CNTN1: variants seen among roughly 807,000 people sequenced by gnomAD.
CNTN1 encodes contactin-1.
Under a neutral mutation model 126.4 loss-of-function variants are expected in CNTN1, and 38 were observed. The ratio of observed to expected loss-of-function variants is 0.30; its 90% CI spans 0.23 to 0.39. CNTN1 has a LOEUF of 0.39. Ranked by LOEUF, CNTN1 falls within the 10% of genes least tolerant of loss-of-function variation. CNTN1 has a pLI of 1.00. For synonymous variants in CNTN1, 413 were observed against 422.6 expected (o/e 0.98, Z 0.28); for missense variants, 1,009 against 1,248.4 (o/e 0.81, Z 2.89).
chr12:40,781,147 G>A (rs576639367), intron 1 of CNTN1, among the ~76,000 whole-genome samples: 1 of 151,990 alleles, frequency 6.6e-6, no homozygotes, highest in East Asian at 1.9e-4. Flanking sequence ...GTGCATCTTG[G>A]GACATAAGCT....
chr12:40,727,896 T>C (rs939376960), intron 1 of CNTN1, among the ~76,000 whole-genome samples: 2 of 152,222 alleles, frequency 1.3e-5, no homozygotes, highest in South Asian at 4.1e-4. Flanking sequence ...GACTGAAGTC[T>C]AGTCTCAGTC....
chr12:40,849,613 C>G (rs1370630443), intron 1 of CNTN1, among the ~76,000 whole-genome samples: 1 of 152,022 alleles, frequency 6.6e-6, no homozygotes, highest in Admixed American at 6.6e-5. Flanking sequence ...TATTCTCAAA[C>G]TATCTGAAGA....
intron 1 of CNTN1, among the ~76,000 whole-genome samples, chr12:40,768,449 T>C (rs748252160): frequency 6.6e-5 from 10 of 152,240 alleles, no homozygotes; most frequent in Non-Finnish European, 1.3e-4. Flanking sequence ...ATATCCTTTA[T>C]AGAAAATGGC....
At chr12:40,859,118 T>G (rs1344010512) in intron 1 of CNTN1, among the ~76,000 whole-genome samples, 1 of 152,000 alleles carries the variant, frequency 6.6e-6, no homozygotes, top group Non-Finnish European at 1.5e-5. Flanking sequence ...GTCCTACACA[T>G]GTACCCCAGA....
chr12:40,911,758 T>G (rs1945045841), intron 3 of CNTN1, among the ~76,000 whole-genome samples: 1 of 152,196 alleles, frequency 6.6e-6, no homozygotes, highest in Admixed American at 6.5e-5. Context: ...TCTATCTACC[T>G]TTAAAAACAA....
intron 1 of CNTN1, among the ~76,000 whole-genome samples, chr12:40,864,403 T>C (rs760469187): frequency 5.9e-5 from 9 of 152,142 alleles, no homozygotes; most frequent in Non-Finnish European, 1.3e-4. Context: ...TACAATTCAC[T>C]GATTTATAGT....
rs943892966 is a variant in CNTN1, at chr12:40,930,990, C to T, written c.703+988C>T. ...CTTCCCCAGAAATATACTTGCAATT[C>T]AGCACTTCTATTTATTTTCTTACTT... On this transcript the variant is annotated intron_variant, in intron 7 of 23. Transcript: ENST00000551295. Among the ~76,000 whole-genome samples the T allele has an allele frequency of 3.3e-5, 5 of 151,840 alleles. No individual in the cohort carries two copies. The South Asian group carries it at 1.0e-3, about 32-fold the overall frequency.
chr12:40,865,536 G>T (rs931196481), intron 1 of CNTN1, among the ~76,000 whole-genome samples: 1 of 151,838 alleles, frequency 6.6e-6, no homozygotes, highest in African/African-American at 2.4e-5. Context: ...GTGAAGTAGG[G>T]GTCCAAACTT....
At chr12:40,958,385 A>ATGTG (rs1946974792) in intron 14 of CNTN1, among the ~76,000 whole-genome samples, 1 of 149,224 alleles carries the variant, frequency 6.7e-6, no homozygotes, top group Non-Finnish European at 1.5e-5. Flanking sequence ...GTGTGTATGT[A>ATGTG]TGTATGTATG....
chr12:41,051,050 C>G (rs750317749), intron 23 of CNTN1, among the ~76,000 whole-genome samples: 1 of 152,002 alleles, frequency 6.6e-6, no homozygotes, highest in African/African-American at 2.4e-5. Flanking sequence ...TGGAGATTCT[C>G]ACTCATTCCA....
At position 40,904,370 on chromosome 12, in the gene CNTN1, C is replaced by CTTCCT. The variant is rs1325704521; in HGVS notation, c.-76-3985_-76-3981dup. Among the ~76,000 whole-genome samples the CTTCCT allele has an allele frequency of 2.2e-5, 3 of 137,222 alleles. No homozygotes were observed. In the South Asian group the frequency reaches 6.8e-4, roughly 31 times the overall value. The allele number at this position is 137,222 out of a possible 152,430, so 90.0% of individuals were successfully genotyped here. A position where few individuals can be genotyped will look rare whatever the true frequency, so the allele number is the denominator to read the frequency against. On this transcript the variant is annotated intron_variant, in intron 1 of 23. Coordinates refer to ENST00000551295, the MANE Select transcript of CNTN1 (RefSeq NM_001843.4). Reference sequence around the variant, plus strand: ...TCTTTTTCCTTCCTTCCTTCCTTTCCTTCCTTCCTTCTTTCCTTCCTTCCT... The same window carrying CTTCCT: ...TCTTTTTCCTTCCTTCCTTCCTTTCCTTCCTTTCCTTCCTTCTTTCCTTCCTTCCT...
intron 1 of CNTN1, among the ~76,000 whole-genome samples, chr12:40,858,551 T>C (rs1467357890): frequency 2.0e-5 from 3 of 152,142 alleles, no homozygotes; most frequent in Non-Finnish European, 4.4e-5. Context: ...AATTCAACCA[T>C]TGTGGAAGAT....
At chr12:40,706,056 T>C (rs1161035618) in intron 1 of CNTN1, among the ~76,000 whole-genome samples, 2 of 151,838 alleles carry the variant, frequency 1.3e-5, no homozygotes, top group Non-Finnish European at 2.9e-5. Flanking sequence ...GACATGAGAT[T>C]TGGGTGGCAA....
intron 4 of CNTN1, among the ~76,000 whole-genome samples, chr12:40,919,526 G>A (rs1945360504): frequency 1.3e-5 from 2 of 152,074 alleles, no homozygotes; most frequent in Admixed American, 1.3e-4. Context: ...GGAGAAATTG[G>A]GGGCTCTAGT....
At chr12:40,751,659 ACACTATAATT>A (rs2136398746) in intron 1 of CNTN1, among the ~76,000 whole-genome samples, 1 of 152,208 alleles carries the variant, frequency 6.6e-6, no homozygotes, top group East Asian at 1.9e-4. Flanking sequence ...TTGTAAAGAA[ACACTATAATT>A]CAGTGAAAAC....
chr12:40,963,232 A>G (rs1947170911), intron 15 of CNTN1, among the ~76,000 whole-genome samples: 1 of 152,118 alleles, frequency 6.6e-6, no homozygotes, highest in African/African-American at 2.4e-5. Context: ...AACATGGCAA[A>G]AAACCCGTCT....
chr12:40,704,824 G>T (rs1165257325), intron 1 of CNTN1, among the ~76,000 whole-genome samples: 1 of 152,222 alleles, frequency 6.6e-6, no homozygotes, highest in Non-Finnish European at 1.5e-5. Context: ...TCACCAGGCT[G>T]AGAATTTTTT....
intron 1 of CNTN1, among the ~76,000 whole-genome samples, chr12:40,695,783 TC>T (rs1365580518): frequency 1.3e-5 from 2 of 152,216 alleles, no homozygotes; most frequent in Non-Finnish European, 2.9e-5. Context: ...AACTTTCCTT[TC>T]TTTGTCTCCC....
intron 1 of CNTN1, among the ~76,000 whole-genome samples, chr12:40,707,725 T>C (rs1392203803): frequency 6.6e-6 from 1 of 152,204 alleles, no homozygotes. Context: ...GATTTGTCTC[T>C]AAAGGAAGTG....
Sources: gnomAD v4.1 joint callset for allele counts (sites outside exome capture counted in the v4.1 genomes callset) on GRCh38, gnomAD v4.1.1 for gene constraint, MANE v1.5 for transcripts, NCBI Gene and HGNC (gene_info 2026-07-23, HGNC 2026-07-21) for gene names.